Variants in DCC observed in about 807,000 individuals in gnomAD.
The protein encoded by DCC is netrin receptor DCC.
DCC carries 58 observed loss-of-function variants against 172.5 expected under a neutral mutation model. The observed-to-expected ratio is 0.34, with a 90% CI of 0.27 to 0.42. The LOEUF (loss-of-function observed/expected upper bound fraction) is 0.42, where lower values mean the gene tolerates loss of function less well. Among genes scored for constraint, DCC ranks in the 10% least tolerant of loss-of-function variants. DCC has a pLI of 1.00. For missense variants in DCC, 1,740 were observed against 1,791.0 expected, an observed-to-expected ratio of 0.97 and a Z score of 0.51; for synonymous variants, 709 against 644.5, an observed-to-expected ratio of 1.10 and a Z score of -1.52.
chr18:53,109,071 C>A (rs2043293285), intron 7 of DCC, among the ~76,000 whole-genome samples: 1 of 151,252 alleles, frequency 6.6e-6, no homozygotes, highest in Admixed American at 6.6e-5. Flanking sequence ...TAAACACTGT[C>A]ATTTTAATTT....
intron 1 of DCC, among the ~76,000 whole-genome samples, chr18:52,597,696 T>C (rs977678724): frequency 6.6e-6 from 1 of 152,108 alleles, no homozygotes; most frequent in Non-Finnish European, 1.5e-5. Flanking sequence ...TGTGCAGCTC[T>C]CCTACAGGCA....
chr18:52,516,141 G>A (rs913870448), intron 1 of DCC, among the ~76,000 whole-genome samples: 1 of 151,966 alleles, frequency 6.6e-6, no homozygotes, highest in Non-Finnish European at 1.5e-5. Flanking sequence ...CTAGATTGCT[G>A]GTGGCATGTA....
At chr18:52,979,819 A>G (rs116827603) in intron 5 of DCC, among the ~76,000 whole-genome samples, 2,127 of 152,294 alleles carry the variant, frequency 0.014, 56 homozygotes, top group African/African-American at 0.049. Flanking sequence ...ACTTTGAACT[A>G]AAGCATAAAG....
intron 12 of DCC, among the ~76,000 whole-genome samples, chr18:53,257,509 T>A (rs1428115446): frequency 1.3e-5 from 2 of 152,214 alleles, no homozygotes; most frequent in Non-Finnish European, 2.9e-5. Context: ...TATGCTGGAT[T>A]ATGTTTATTG....
intron 26 of DCC, 150 bp downstream of exon 26, chr18:53,487,108 G>C: frequency 9.2e-7 from 1 of 1,087,090 alleles, no homozygotes; most frequent in Non-Finnish European, 1.4e-6. Context: ...ACAGTGCTTT[G>C]GATCCTAGCT....
At chr18:52,749,189 C>T (rs12458933) in intron 1 of DCC, among the ~76,000 whole-genome samples, 19,585 of 151,274 alleles carry the variant, frequency 0.13, 1,654 homozygotes, top group Admixed American at 0.23. Context: ...CAGACTCCAT[C>T]GCCCAAAAAA....
chr18:52,476,557 A>G (rs1049971975), intron 1 of DCC, among the ~76,000 whole-genome samples: 1 of 152,204 alleles, frequency 6.6e-6, no homozygotes, highest in African/African-American at 2.4e-5. Flanking sequence ...AGATGGGAAT[A>G]AAAGTTTAAT....
chr18:52,546,716 T>C (rs1024177522), intron 1 of DCC, among the ~76,000 whole-genome samples: 3 of 152,072 alleles, frequency 2.0e-5, no homozygotes, highest in Non-Finnish European at 4.4e-5. Context: ...AAAGCTGGTA[T>C]TGGAACCCAG....
chr18:53,072,214 G>T (rs2042662654), intron 7 of DCC, among the ~76,000 whole-genome samples: 1 of 152,106 alleles, frequency 6.6e-6, no homozygotes, highest in Non-Finnish European at 1.5e-5. Context: ...TAAGCAATAA[G>T]TTAGGATCCC....
At chr18:52,413,503 AT>A (rs2144409096) in intron 1 of DCC, among the ~76,000 whole-genome samples, 1 of 152,112 alleles carries the variant, frequency 6.6e-6, no homozygotes, top group Admixed American at 6.6e-5. Context: ...GTAGAGATAA[AT>A]ATTTGAAATT....
Position 53,402,906 on chromosome 18 carries a change from A to G in DCC, c.2935+13A>G, listed in dbSNP as rs72933411. On this transcript the variant is annotated intron_variant, in intron 19 of 28. Coordinates refer to ENST00000442544, the MANE Select transcript of DCC (RefSeq NM_005215.4). ...GGGAAAATTACTGGTAAGCATCTCC[A>G]CTTTCTCTCCCAGCATAGCTCTCCC... is the stretch of plus-strand genomic sequence containing the variant. 0.11 allele frequency: 175,126 copies of G among 1,565,586 alleles called. 10,845 individuals carry two copies. The highest frequency in any genetic ancestry group is 0.23 in the East Asian group (10,187 of 44,602).
chr18:52,728,239 A>G (rs77895680), intron 1 of DCC, among the ~76,000 whole-genome samples: 1 of 152,252 alleles, frequency 6.6e-6, no homozygotes, highest in Non-Finnish European at 1.5e-5. Flanking sequence ...GTGAAGAGAT[A>G]ATAAGCTACT....
intron 12 of DCC, among the ~76,000 whole-genome samples, chr18:53,247,138 T>G (rs2056374664): frequency 6.6e-6 from 1 of 152,082 alleles, no homozygotes; most frequent in Admixed American, 6.6e-5. Flanking sequence ...CAGTTTGGAC[T>G]TGGAAGAGGA....
chr18:52,679,987 A>C (rs952352068), intron 1 of DCC, among the ~76,000 whole-genome samples: 1 of 151,872 alleles, frequency 6.6e-6, no homozygotes, highest in Non-Finnish European at 1.5e-5. Context: ...GAATTCCACC[A>C]CTGGAAAGAA....
intron 1 of DCC, among the ~76,000 whole-genome samples, chr18:52,669,431 T>C (rs552691716): frequency 6.6e-5 from 10 of 152,232 alleles, no homozygotes; most frequent in African/African-American, 1.2e-4. Context: ...AGGACTGTTA[T>C]CATCTTTGTT....
At chr18:53,149,873 C>A (rs964511889) in intron 7 of DCC, among the ~76,000 whole-genome samples, 4 of 152,240 alleles carry the variant, frequency 2.6e-5, no homozygotes, top group African/African-American at 9.6e-5. Context: ...TTTATTTGGC[C>A]ATACTCTTTG....
At chr18:52,463,745 A>G (rs908426177) in intron 1 of DCC, among the ~76,000 whole-genome samples, 5 of 152,212 alleles carry the variant, frequency 3.3e-5, no homozygotes, top group African/African-American at 1.2e-4. Flanking sequence ...CTGAGGATAT[A>G]ACAAAAACAG....
intron 5 of DCC, among the ~76,000 whole-genome samples, chr18:52,943,010 CCA>C (rs2040487604): frequency 6.6e-6 from 1 of 152,148 alleles, no homozygotes; most frequent in South Asian, 2.1e-4. Context: ...AAAATGCCTG[CCA>C]CAGAGTATGC....
chr18:53,507,066 A>AGAT (rs1411051858), intron 27 of DCC, among the ~76,000 whole-genome samples: 2 of 149,326 alleles, frequency 1.3e-5, no homozygotes, highest in African/African-American at 4.9e-5. Flanking sequence ...AAATAAGGGT[A>AGAT]GATATTCTCC....
Sources: gnomAD v4.1 joint callset for allele counts (sites outside exome capture counted in the v4.1 genomes callset) on GRCh38, gnomAD v4.1.1 for gene constraint, MANE v1.5 for transcripts, NCBI Gene and HGNC (gene_info 2026-07-23, HGNC 2026-07-21) for gene names.